ARHGAP32: variants seen among roughly 807,000 people sequenced by gnomAD.
The protein encoded by ARHGAP32 is Rho GTPase activating protein 32, also known as rho GTPase-activating protein 32.
In ARHGAP32, 51 loss-of-function variants were observed where a neutral mutation model predicts 186.5. The ratio of observed to expected loss-of-function variants is 0.27; its 90% CI spans 0.22 to 0.35. The LOEUF (loss-of-function observed/expected upper bound fraction) is 0.35. ARHGAP32 is among the 10% of genes least tolerant of loss of function. ARHGAP32 has a pLI of 1.00. For synonymous variants in ARHGAP32, 950 were observed against 964.3 expected (o/e 0.99, Z 0.27); for missense variants, 2,186 against 2,623.5 (o/e 0.83, Z 3.64).
intron 5 of ARHGAP32, among the ~76,000 whole-genome samples, chr11:129,118,021 TA>T (rs556799427): frequency 2.7e-3 from 405 of 152,172 alleles, no homozygotes; most frequent in African/African-American, 9.2e-3. Context: ...TTCTAGTAAT[TA>T]TTTTTTTGTG....
In ARHGAP32 at chr11:128,974,474, T is replaced by A; in HGVS notation, c.2723A>T (p.Lys908Met). ...TEKVVYAFSP[K>M]IGRKLSKSPS... ...TGATTTGCTTAATTTCCGTCCTATC[T>A]TCGGAGAGAAAGCATAGACGACCTT... Residue 908 changes from lysine (K) to methionine (M), a missense_variant, in exon 21 of 23, where the codon AAG (lysine) becomes ATG (methionine). By Grantham distance (95) the Lys-to-Met change is moderately conservative (BLOSUM62 -1). This residue lies in a region of ARHGAP32 where 1,502 missense variants were observed against 1,570.0 expected (regional missense o/e 0.96). Coordinates refer to ENST00000682385, the MANE Select transcript of ARHGAP32 (RefSeq NM_001378024.1). 6.2e-7 allele frequency: 1 copy of A among 1,614,218 alleles called. No homozygotes were observed. Among genetic ancestry groups the A allele is most frequent in the Non-Finnish European group, 8.5e-7 (1 of 1,180,040 alleles).
At chr11:129,224,439 T>C (rs1280279464) in intron 1 of ARHGAP32, among the ~76,000 whole-genome samples, 1 of 152,118 alleles carries the variant, frequency 6.6e-6, no homozygotes, top group Non-Finnish European at 1.5e-5. Flanking sequence ...CCTTAACTTT[T>C]TCAAAATTCT....
intron 1 of ARHGAP32, among the ~76,000 whole-genome samples, chr11:129,256,980 T>C (rs1565482577): frequency 6.6e-6 from 1 of 152,062 alleles, no homozygotes. Context: ...GAAAGAGAAA[T>C]GGCTAAAAGG....
At chr11:129,088,611 G>C (rs190003523) in intron 6 of ARHGAP32, among the ~76,000 whole-genome samples, 127 of 152,188 alleles carry the variant, frequency 8.3e-4, no homozygotes, top group Non-Finnish European at 1.3e-3. Flanking sequence ...ATAGAGCCTT[G>C]ATCAACCAAT....
Position 129,123,963 on chromosome 11 carries a change from T to C in ARHGAP32, c.318-34A>G. Reference sequence around the variant, plus strand: ...AGAATGAACATTTTTATCCTTGTCTTTCCTCTACTTACACATGAAGCATAA... The same window carrying C: ...AGAATGAACATTTTTATCCTTGTCTCTCCTCTACTTACACATGAAGCATAA... On this transcript the variant is annotated intron_variant, in intron 3 of 22. Coordinates refer to ENST00000682385, the MANE Select transcript of ARHGAP32 (RefSeq NM_001378024.1). This position sits in a 1 kb window ranked among gnomAD's most constrained non-coding sequence, Gnocchi z 4.6. 4 of 1,281,022 alleles carry C rather than the reference T, an allele frequency of 3.1e-6. No homozygotes were observed. Among genetic ancestry groups the C allele is most frequent in the Non-Finnish European group, 4.1e-6 (4 of 982,248 alleles). 79.4% of individuals were successfully genotyped at this position (1,281,022 alleles called of 1,614,324 possible).
intron 1 of ARHGAP32, among the ~76,000 whole-genome samples, chr11:129,254,885 A>G (rs922629168): frequency 2.0e-5 from 3 of 152,128 alleles, no homozygotes; most frequent in Admixed American, 6.6e-5. Context: ...GTACACCAAT[A>G]AATTATTTTC....
Position 128,970,198 on chromosome 11 carries a change from C to T in ARHGAP32, c.5015G>A (p.Ser1672Asn), listed in dbSNP as rs756780276. 2.5e-6 allele frequency: 4 copies of T among 1,614,188 alleles called. No homozygotes were observed. In the South Asian group the frequency reaches 4.4e-5, roughly 18 times the overall value. ...GGCCCCATCTGGACTGTAATAGGAA[C>T]TAGAAGAACTGGAATATGGGCTATA... ...YRYSPYSSSS[S>N]SYYSPDGALC... is the part of the protein sequence containing the mutation. The change falls in exon 23 of 23, where the codon AGT becomes AAT. Residue 1672 changes from serine (S) to asparagine (N), a missense_variant. This residue lies in a region of ARHGAP32 where 1,502 missense variants were observed against 1,570.0 expected (regional missense o/e 0.96). Coordinates refer to ENST00000682385, the MANE Select transcript of ARHGAP32 (RefSeq NM_001378024.1). This position sits in a 1 kb window ranked among gnomAD's most constrained non-coding sequence, Gnocchi z 5.8.
At chr11:128,999,630 A>G (rs1015798701) in intron 11 of ARHGAP32, among the ~76,000 whole-genome samples, 1 of 151,992 alleles carries the variant, frequency 6.6e-6, no homozygotes, top group African/African-American at 2.4e-5. Flanking sequence ...TCCCCCAGAC[A>G]CCCAGCTTTA....
At chr11:129,153,925 T>TA (rs1408259921) in intron 2 of ARHGAP32, among the ~76,000 whole-genome samples, 2 of 151,558 alleles carry the variant, frequency 1.3e-5, no homozygotes, top group African/African-American at 4.9e-5. Context: ...GCAAGAGAAA[T>TA]AATCACCAGA....
chr11:129,183,155 G>A (rs572142033), intron 1 of ARHGAP32, among the ~76,000 whole-genome samples: 2 of 151,850 alleles, frequency 1.3e-5, no homozygotes, highest in South Asian at 2.1e-4. Context: ...ATGAACGTGG[G>A]TATATTTTCT....
At chr11:128,979,022 AT>A in intron 18 of ARHGAP32, 107 bp from the exon 19 acceptor site, 1 of 1,021,088 alleles carries the variant, frequency 9.8e-7, no homozygotes, top group Non-Finnish European at 1.4e-6. Context: ...CTGGAGAAGC[AT>A]AAGTGAAACA....
At chr11:129,143,350 C>T (rs1300787765) in intron 2 of ARHGAP32, among the ~76,000 whole-genome samples, 2 of 151,912 alleles carry the variant, frequency 1.3e-5, no homozygotes, top group South Asian at 2.1e-4. Context: ...TGGTCAACCT[C>T]GGTCAAAAAA....
intron 1 of ARHGAP32, among the ~76,000 whole-genome samples, chr11:129,256,814 C>G (rs1053654740): frequency 6.6e-6 from 1 of 152,108 alleles, no homozygotes; most frequent in Non-Finnish European, 1.5e-5. Context: ...CTTTATTTTC[C>G]TCACGAAATG....
At chr11:129,016,817 A>T (rs972966175) in intron 11 of ARHGAP32, among the ~76,000 whole-genome samples, 1 of 152,222 alleles carries the variant, frequency 6.6e-6, no homozygotes, top group Non-Finnish European at 1.5e-5. Context: ...AGACTTCTTT[A>T]TGATACTGAG....
Position 128,972,366 on chromosome 11 carries a change from A to G in ARHGAP32, c.4053+87T>C, listed in dbSNP as rs189841462. ...GGCTTAAAAGTAATTGTTGTGTCTG[A>G]CTCAAAGATAACAACACACCCTGCT... is the stretch of plus-strand genomic sequence containing the variant. On this transcript the variant is annotated intron_variant, in intron 22 of 22. Transcript: ENST00000682385. 174 of 1,403,468 alleles carry G rather than the reference A, an allele frequency of 1.2e-4. No individual in the cohort carries two copies. The East Asian group carries it at 2.8e-3, about 23-fold the overall frequency. The allele number at this position is 1,403,468 out of a possible 1,614,324, so 86.9% of individuals were successfully genotyped here. A position where few individuals can be genotyped will look rare whatever the true frequency, so the allele number is the denominator to read the frequency against.
chr11:129,032,925 T>C (rs1447306044), intron 11 of ARHGAP32, among the ~76,000 whole-genome samples: 1 of 152,184 alleles, frequency 6.6e-6, no homozygotes, highest in Non-Finnish European at 1.5e-5. Context: ...CCCATCCCAA[T>C]CACTGACCTT....
At position 129,260,947 on chromosome 11, in the gene ARHGAP32, AAC is replaced by A. The variant is rs201989027; in HGVS notation, c.-5+18197_-5+18198del. Among the ~76,000 whole-genome samples the A allele has an allele frequency of 5.4e-3, 829 of 152,336 alleles. 7 individuals are homozygous for A. Among genetic ancestry groups the A allele is most frequent in the African/African-American group, 0.019 (789 of 41,576 alleles). ...CAACTTTGCCAGAACAAAGATAAGA[AAC>A]AGTTTCCTCCAAACAGAAAACTTTC... On this transcript the variant is annotated intron_variant, in intron 1 of 6. Transcript: ENST00000525234.
chr11:129,122,808 T>C (rs73019110), intron 5 of ARHGAP32, among the ~76,000 whole-genome samples: 10,334 of 152,128 alleles, frequency 0.068, 414 homozygotes, highest in Middle Eastern at 0.082. Context: ...AAGACTTTTT[T>C]TTCTATTAGC....
chr11:128,987,965 A>C, intron 13 of ARHGAP32, 58 bp downstream of exon 13: 1 of 1,159,642 alleles, frequency 8.6e-7, no homozygotes, highest in Non-Finnish European at 1.3e-6. Context: ...ATCTGTTTTA[A>C]AATATTTGCA....
Sources: allele counts gnomAD v4.1 joint callset (sites outside exome capture counted in the v4.1 genomes callset), GRCh38; gene constraint gnomAD v4.1.1; regional missense constraint gnomAD v4.1.1; non-coding constraint Gnocchi (gnomAD v3.1); transcripts MANE v1.5; gene names NCBI Gene and HGNC (gene_info 2026-07-23, HGNC 2026-07-21).